SH3BGRL2: variants seen among roughly 807,000 people sequenced by gnomAD.
SH3BGRL2 encodes the protein SH3 domain-binding glutamic acid-rich-like protein 2.
A neutral mutation model predicts 14.8 loss-of-function variants in SH3BGRL2; 21 were observed. The ratio of observed to expected loss-of-function variants is 1.42; its 90% CI spans 1.01 to 2.05. The LOEUF (loss-of-function observed/expected upper bound fraction) is 2.05, where lower values mean the gene tolerates loss of function less well. Among genes scored for constraint, SH3BGRL2 ranks in the 30% most tolerant of loss-of-function variants. The pLI, the probability that SH3BGRL2 is intolerant of heterozygous loss-of-function variation, is 0.00. For missense variants in SH3BGRL2, 147 were observed against 130.8 expected, an observed-to-expected ratio of 1.12 and a Z score of -0.61; for synonymous variants, 50 against 47.8, an observed-to-expected ratio of 1.05 and a Z score of -0.19.
At chr6:79,667,793 G>T (rs947903200) in intron 1 of SH3BGRL2, among the ~76,000 whole-genome samples, 1 of 152,064 alleles carries the variant, frequency 6.6e-6, no homozygotes, top group Admixed American at 6.6e-5. Flanking sequence ...TTTGGAAATG[G>T]AAGCTAAGAG....
the SH3BGRL2 span, among the ~76,000 whole-genome samples, chr6:79,596,165 T>A: frequency 6.6e-6 from 1 of 152,210 alleles, no homozygotes; most frequent in Non-Finnish European, 1.5e-5. Context: ...TCTGGGTTTT[T>A]TGGTGGAAAG....
chr6:79,640,464 A>C (rs1769008283), intron 1 of SH3BGRL2, among the ~76,000 whole-genome samples: 1 of 152,196 alleles, frequency 6.6e-6, no homozygotes, highest in Non-Finnish European at 1.5e-5. Flanking sequence ...ATCCAGGCAG[A>C]TGGGGCCCCA....
the SH3BGRL2 span, among the ~76,000 whole-genome samples, chr6:79,597,324 GAAAAGAAAAGAA>G: frequency 4.4e-4 from 64 of 146,166 alleles, no homozygotes; most frequent in African/African-American, 1.3e-3. Context: ...AAAGAGAAAA[GAAAAGAAAAGAA>G]AAAAGAAAAG....
At chr6:79,602,100 G>C in the SH3BGRL2 span, among the ~76,000 whole-genome samples, 1 of 152,126 alleles carries the variant, frequency 6.6e-6, no homozygotes. Context: ...AGTCTAAAAT[G>C]AGTTTATCAA....
the SH3BGRL2 span, among the ~76,000 whole-genome samples, chr6:79,581,649 A>G: frequency 6.6e-6 from 1 of 152,206 alleles, no homozygotes; most frequent in Non-Finnish European, 1.5e-5. Context: ...TCAAAATAAT[A>G]AGAGCTATCT....
chr6:79,663,889 C>T (rs1769604910), intron 1 of SH3BGRL2, among the ~76,000 whole-genome samples: 1 of 152,214 alleles, frequency 6.6e-6, no homozygotes, highest in Non-Finnish European at 1.5e-5. Context: ...CGCCCCTCCC[C>T]CAGCCAGGCT....
upstream of SH3BGRL2, chr6:79,631,284 C>G: frequency 4.4e-6 from 2 of 450,978 alleles, no homozygotes; most frequent in Non-Finnish European, 7.6e-6. Flanking sequence ...AGCCTGCGGC[C>G]GGGCGGCGCT....
At chr6:79,584,586 A>C in the SH3BGRL2 span, among the ~76,000 whole-genome samples, 1 of 152,156 alleles carries the variant, frequency 6.6e-6, no homozygotes, top group East Asian at 1.9e-4. Context: ...TAGGAGGAGA[A>C]AGATGTGTAG....
chr6:79,620,012 A>C, the SH3BGRL2 span, among the ~76,000 whole-genome samples: 17 of 152,300 alleles, frequency 1.1e-4, no homozygotes, highest in African/African-American at 4.1e-4. Flanking sequence ...ATAGCTTTAA[A>C]TGTGTGTATG....
At chr6:79,604,119 T>A in the SH3BGRL2 span, among the ~76,000 whole-genome samples, 3 of 152,158 alleles carry the variant, frequency 2.0e-5, no homozygotes, top group Non-Finnish European at 4.4e-5. Context: ...CACTTTTCAA[T>A]GTCTGTAGAG....
At chr6:79,653,735 G>A (rs1413943820) in intron 1 of SH3BGRL2, among the ~76,000 whole-genome samples, 1 of 152,138 alleles carries the variant, frequency 6.6e-6, no homozygotes, top group East Asian at 1.9e-4. Context: ...AAGAAAGAGT[G>A]GGCATAAACA....
At chr6:79,638,424 C>A (rs1768967897) in intron 1 of SH3BGRL2, among the ~76,000 whole-genome samples, 1 of 152,062 alleles carries the variant, frequency 6.6e-6, no homozygotes, top group Non-Finnish European at 1.5e-5. Flanking sequence ...GTGCAGATAC[C>A]TTTTTAATAC....
intron 1 of SH3BGRL2, among the ~76,000 whole-genome samples, chr6:79,654,360 A>G (rs1211012363): frequency 6.6e-6 from 1 of 152,170 alleles, no homozygotes; most frequent in Non-Finnish European, 1.5e-5. Flanking sequence ...GAACAAATGG[A>G]TGGAATTTGT....
the SH3BGRL2 span, among the ~76,000 whole-genome samples, chr6:79,572,951 T>C: frequency 2.1e-4 from 32 of 152,212 alleles, no homozygotes; most frequent in Non-Finnish European, 4.0e-4. Context: ...GTTTGTCTTC[T>C]CTCACTTTTT....
chr6:79,560,081 T>C, the SH3BGRL2 span, among the ~76,000 whole-genome samples: 5 of 152,060 alleles, frequency 3.3e-5, no homozygotes, highest in African/African-American at 1.2e-4. Flanking sequence ...TTGCCTGTGG[T>C]TCAGGAAGGG....
the SH3BGRL2 span, among the ~76,000 whole-genome samples, chr6:79,608,049 G>A: frequency 5.9e-5 from 9 of 152,210 alleles, no homozygotes; most frequent in African/African-American, 1.9e-4. Flanking sequence ...ATGGAGGAAG[G>A]TGAAGGGGAA....
At chr6:79,691,683 A>C (rs1345643304) in intron 2 of SH3BGRL2, among the ~76,000 whole-genome samples, 1 of 150,448 alleles carries the variant, frequency 6.6e-6, no homozygotes, top group Non-Finnish European at 1.5e-5. Context: ...AAGGACATGA[A>C]CTCATCATTT....
At chr6:79,629,177 A>G (rs1768779470), upstream of SH3BGRL2, among the ~76,000 whole-genome samples, 1 of 152,218 alleles carries the variant, frequency 6.6e-6, no homozygotes, top group Non-Finnish European at 1.5e-5. Flanking sequence ...ACTCTTTCTA[A>G]AACTTAGAGC....
In SH3BGRL2 at chr6:79,667,271, G is replaced by A. The variant is rs1473890460; in HGVS notation, c.46-6343G>A. 2.6e-5 allele frequency among the ~76,000 whole-genome samples: 4 copies of A among 152,142 alleles called. No homozygotes were observed. In the South Asian group the frequency reaches 6.2e-4, roughly 24 times the overall value. ...GAAGTTAGATTGGTTACAGCTTGGCGCTTGCCTTGTTTGGACACAGTTCGA... is the reference window on the plus strand; with the variant it reads ...GAAGTTAGATTGGTTACAGCTTGGCACTTGCCTTGTTTGGACACAGTTCGA... On this transcript the variant is annotated intron_variant, in intron 1 of 3. Transcript: ENST00000369838.
Sources: allele counts gnomAD v4.1 joint callset (sites outside exome capture counted in the v4.1 genomes callset), GRCh38; gene constraint gnomAD v4.1.1; transcripts MANE v1.5; gene names NCBI Gene and HGNC (gene_info 2026-07-23, HGNC 2026-07-21).